The following LIMCH1 variants were observed in gnomAD, a reference collection of about 807,000 sequenced individuals.
LIMCH1 encodes LIM and calponin homology domains-containing protein 1.
In LIMCH1, 113 loss-of-function variants were observed where a neutral mutation model predicts 176.5. The observed-to-expected ratio is 0.64, with a 90% CI of 0.55 to 0.75. LIMCH1 has a LOEUF of 0.75. Among genes scored for constraint, LIMCH1 ranks in the 30% least tolerant of loss-of-function variants. The pLI is 0.00. For synonymous variants in LIMCH1, 619 were observed against 645.9 expected, an observed-to-expected ratio of 0.96 and a Z score of 0.63; for missense variants, 1,674 against 1,814.9, an observed-to-expected ratio of 0.92 and a Z score of 1.41.
Position 41,685,914 on chromosome 4 carries a change from A to G in LIMCH1, c.4088+84A>G, listed in dbSNP as rs74518349. On this transcript the variant is annotated intron_variant, in intron 28 of 31. Coordinates refer to ENST00000503057, the MANE Select transcript of LIMCH1 (RefSeq NM_001330672.2). ...AAGGGAGAAGAATGAAAAATGTGAG[A>G]TGGCAAGAGGACAGCAGCATTTTTG... The G allele has an allele frequency of 1.3e-3, 1,915 of 1,433,302 alleles. 37 individuals are homozygous for G. In the African/African-American group the frequency reaches 0.025, roughly 19 times the overall value. 88.8% of individuals were successfully genotyped at this position (1,433,302 alleles called of 1,614,324 possible). A position where few individuals can be genotyped will look rare whatever the true frequency, so the allele number is the denominator to read the frequency against.
intron 1 of LIMCH1, among the ~76,000 whole-genome samples, chr4:41,591,689 T>G (rs940394135): frequency 1.3e-5 from 2 of 152,236 alleles, no homozygotes; most frequent in Non-Finnish European, 2.9e-5. Context: ...ATGCTTTATA[T>G]GTATATATTG....
intron 1 of LIMCH1, among the ~76,000 whole-genome samples, chr4:41,570,123 A>G (rs959602978): frequency 6.6e-6 from 1 of 152,218 alleles, no homozygotes; most frequent in African/African-American, 2.4e-5. Context: ...AGTAACACAG[A>G]ACGGTATCCT....
intron 1 of LIMCH1, among the ~76,000 whole-genome samples, chr4:41,414,370 G>A (rs1053435436): frequency 1.3e-5 from 2 of 152,052 alleles, no homozygotes; most frequent in Admixed American, 6.6e-5. Flanking sequence ...CCGTTATCCC[G>A]ATCTACCCCC....
chr4:41,629,911 G>T (rs993520635), intron 9 of LIMCH1, among the ~76,000 whole-genome samples, 177 bp downstream of exon 9: 1 of 151,306 alleles, frequency 6.6e-6, no homozygotes, highest in Non-Finnish European at 1.5e-5. Context: ...GGCTCAAGCA[G>T]TCCTCTCCCT....
At chr4:41,488,023 G>A (rs776320239) in intron 1 of LIMCH1, among the ~76,000 whole-genome samples, 1 of 151,884 alleles carries the variant, frequency 6.6e-6, no homozygotes, top group Non-Finnish European at 1.5e-5. Flanking sequence ...GCACACAGTG[G>A]CCACAGTTCA....
intron 1 of LIMCH1, among the ~76,000 whole-genome samples, chr4:41,577,404 C>T (rs4861119): frequency 0.039 from 5,872 of 151,982 alleles, 134 homozygotes; most frequent in Admixed American, 0.064. Flanking sequence ...GTGCTTATTC[C>T]GAATAGTTCA....
chr4:41,613,195 T>A, intron 4 of LIMCH1: 1 of 1,117,988 alleles, frequency 8.9e-7, no homozygotes, highest in East Asian at 2.6e-5. Context: ...TCTCTACTCT[T>A]TTTTTTTTAA....
chr4:41,376,170 GT>G (rs1160021209), intron 1 of LIMCH1, among the ~76,000 whole-genome samples: 4 of 152,098 alleles, frequency 2.6e-5, no homozygotes, highest in Non-Finnish European at 1.5e-5. Context: ...AGAACGAAAT[GT>G]ACTTGCCATT....
At chr4:41,480,016 T>C (rs1252857262) in intron 1 of LIMCH1, among the ~76,000 whole-genome samples, 2 of 152,098 alleles carry the variant, frequency 1.3e-5, no homozygotes, top group Non-Finnish European at 2.9e-5. Context: ...CAGTTATGGA[T>C]TTTCTTCTCC....
rs59972212 is a variant in LIMCH1, at chr4:41,486,750, C to G, written c.97-7786C>G. Among the ~76,000 whole-genome samples the G allele has an allele frequency of 8.4e-3, 1,270 of 152,056 alleles. 22 individuals carry two copies. The highest frequency in any genetic ancestry group is 0.029 in the African/African-American group (1,209 of 41,468). ...GTAGTTCTTAGAGGGGATGGGAGCA[C>G]TAAGAATCTATGTCTCTTTCTTTCT... On this transcript the variant is annotated intron_variant, in intron 1 of 26. Transcript: ENST00000313860.
chr4:41,532,418 A>AT (rs1475399857), intron 3 of LIMCH1, among the ~76,000 whole-genome samples: 1 of 152,184 alleles, frequency 6.6e-6, no homozygotes, highest in African/African-American at 2.4e-5. Flanking sequence ...TCAGAAACGT[A>AT]TTTAAGGCTC....
In LIMCH1 at chr4:41,430,551, C is replaced by G. The variant is rs139927988; in HGVS notation, c.97-63985C>G. Among the ~76,000 whole-genome samples the G allele has an allele frequency of 5.5e-3, 839 of 152,340 alleles. 2 individuals carry two copies. The highest frequency in any genetic ancestry group is 8.9e-3 in the Non-Finnish European group (604 of 68,030). On this transcript the variant is annotated intron_variant, in intron 1 of 26. Transcript: ENST00000313860. The stretch of plus-strand genomic sequence containing the variant: ...TGCTGGGATTACAGGCTTGAGCCAT[C>G]GGGCACCCTGCCCCCATCTCTGTAT...
rs142017377 is a variant in LIMCH1 at position 41,527,214 on chromosome 4, T to C, written c.237+2736T>C. Among the ~76,000 whole-genome samples, 218 of 152,314 alleles carry C rather than the reference T, an allele frequency of 1.4e-3. 1 individual carries two copies. Among genetic ancestry groups the C allele is most frequent in the Middle Eastern group, 6.8e-3 (2 of 294 alleles). On this transcript the variant is annotated intron_variant, in intron 3 of 26. Transcript: ENST00000313860. ...GAATATCCCCTGGTATAGGAGAAAA[T>C]GAGTTAATACTCGAGAGAGATAAAA...
intron 27 of LIMCH1, among the ~76,000 whole-genome samples, chr4:41,684,952 T>C (rs1719443573): frequency 6.6e-6 from 1 of 152,148 alleles, no homozygotes; most frequent in African/African-American, 2.4e-5. Context: ...TTCCCACCTG[T>C]GTCTCCCACG....
chr4:41,529,427 A>G (rs1368104245), intron 3 of LIMCH1, among the ~76,000 whole-genome samples: 1 of 152,248 alleles, frequency 6.6e-6, no homozygotes, highest in Non-Finnish European at 1.5e-5. Flanking sequence ...TAGAGTTGTC[A>G]TGAAATACTG....
rs982190756 is a variant in LIMCH1, at chr4:41,539,921, A to G, written c.-241+1571A>G. On this transcript the variant is annotated intron_variant, in intron 1 of 31. Transcript: ENST00000503057. ...GTTGGGGGTATTCCCTGCACCTGGT[A>G]TATAGTAGACACTCAATAACAATTT... 1.1e-4 allele frequency among the ~76,000 whole-genome samples: 17 copies of G among 152,194 alleles called. 1 individual carries two copies.
chr4:41,608,751 A>G (rs1190207477), intron 4 of LIMCH1, among the ~76,000 whole-genome samples: 1 of 152,154 alleles, frequency 6.6e-6, no homozygotes, highest in Non-Finnish European at 1.5e-5. Context: ...AAGTCCTTCC[A>G]AAGGAAGTGG....
intron 3 of LIMCH1, among the ~76,000 whole-genome samples, chr4:41,533,075 A>G (rs2077498582): frequency 6.6e-6 from 1 of 152,166 alleles, no homozygotes; most frequent in African/African-American, 2.4e-5. Context: ...GGCCAAAGCC[A>G]TCCTTGTGTA....
intron 28 of LIMCH1, among the ~76,000 whole-genome samples, chr4:41,686,777 G>A (rs924953238): frequency 6.6e-6 from 1 of 152,130 alleles, no homozygotes; most frequent in African/African-American, 2.4e-5. Context: ...AATATTTATT[G>A]TCTTATTTTT....
Sources: gnomAD v4.1 joint callset for allele counts (sites outside exome capture counted in the v4.1 genomes callset) on GRCh38, gnomAD v4.1.1 for gene constraint, MANE v1.5 for transcripts, NCBI Gene and HGNC (gene_info 2026-07-23, HGNC 2026-07-21) for gene names.